The following RFC1 variants were observed in gnomAD, a reference collection of about 807,000 sequenced individuals.
The protein encoded by RFC1 is A1 140 kDa subunit.
A neutral mutation model predicts 137.4 loss-of-function variants in RFC1; 37 were observed. That is an observed-to-expected ratio of 0.27 (90% confidence interval 0.21 to 0.35). RFC1 has a LOEUF of 0.35. Ranked by LOEUF, RFC1 falls within the 10% of genes least tolerant of loss-of-function variation. The pLI, the probability that RFC1 is intolerant of heterozygous loss-of-function variation, is 1.00. For missense variants in RFC1, 1,205 were observed against 1,358.5 expected, an observed-to-expected ratio of 0.89 and a Z score of 1.78; for synonymous variants, 429 against 455.7, an observed-to-expected ratio of 0.94 and a Z score of 0.75.
chr4:39,349,077 T>C (rs1741056271), intron 2 of RFC1, among the ~76,000 whole-genome samples: 1 of 152,190 alleles, frequency 6.6e-6, no homozygotes, highest in Admixed American at 6.5e-5. Flanking sequence ...AAAGAAAATT[T>C]TCCCTCAGGA....
Position 39,320,583 on chromosome 4 carries a change from G to A in RFC1, c.895C>T (p.His299Tyr). The change falls in exon 9 of 25, where the codon CAT (histidine) becomes TAT (tyrosine). Residue 299 changes from histidine (H) to tyrosine (Y), a missense_variant. By Grantham distance (83) the His-to-Tyr change is moderately conservative (BLOSUM62 2). This residue lies in a region of RFC1 where 962 missense variants were observed against 1,035.3 expected (regional missense o/e 0.93). Coordinates refer to ENST00000349703, the MANE Select transcript of RFC1 (RefSeq NM_002913.5). ...ATTTTGTCAGCTGATGACTTGGAAT[G>A]TTGCTGAGATTCTTTTGAACTTTCA... ...KYESSKESQQHSKSSADKIGE... is the reference protein window; with the variant it reads ...KYESSKESQQYSKSSADKIGE... The A allele has an allele frequency of 6.2e-7, 1 of 1,613,662 alleles. No homozygotes were observed. The highest frequency in any genetic ancestry group is 8.5e-7 in the Non-Finnish European group (1 of 1,179,882).
chr4:39,316,561 T>C (rs1452378836), intron 10 of RFC1, among the ~76,000 whole-genome samples: 1 of 152,200 alleles, frequency 6.6e-6, no homozygotes, highest in Non-Finnish European at 1.5e-5. Flanking sequence ...CCTAAGGGCA[T>C]CTTAGATTTT....
At chr4:39,302,687 C>A in intron 17 of RFC1, 50 bp downstream of exon 17, 1 of 1,523,048 alleles carries the variant, frequency 6.6e-7, no homozygotes, top group African/African-American at 1.4e-5. Flanking sequence ...AAAAATTGAC[C>A]CTTAAATAAA....
At chr4:39,342,541 C>T (rs762401131) in intron 3 of RFC1, 74 bp from the exon 4 acceptor site, 25 of 1,438,988 alleles carry the variant, frequency 1.7e-5, no homozygotes, top group South Asian at 3.7e-5. Flanking sequence ...AAAGTAGTCA[C>T]GGTGAACCAA....
intron 22 of RFC1, among the ~76,000 whole-genome samples, chr4:39,294,006 C>G (rs1737838929): frequency 6.6e-6 from 1 of 152,202 alleles, no homozygotes; most frequent in African/African-American, 2.4e-5. Context: ...GACTCTGACA[C>G]TACTGACTCC....
chr4:39,320,588 TGA>T lies in RFC1; in HGVS notation c.888_889del (p.Gln297AlafsTer8). On this transcript the variant is annotated frameshift_variant, in exon 9 of 25. Transcript: ENST00000349703. LOFTEE classifies it high-confidence loss of function. ...GTCAGCTGATGACTTGGAATGTTGCTGAGATTCTTTTGAACTTTCATATTTAC... is the reference window on the plus strand; with the variant it reads ...GTCAGCTGATGACTTGGAATGTTGCTGATTCTTTTGAACTTTCATATTTAC... 6.2e-7 allele frequency: 1 copy of T among 1,613,490 alleles called. No individual in the cohort carries two copies. Among genetic ancestry groups the T allele is most frequent in the Non-Finnish European group, 8.5e-7 (1 of 1,179,830 alleles).
chr4:39,302,180 A>AT, intron 19 of RFC1, 98 bp downstream of exon 19: 1 of 733,942 alleles, frequency 1.4e-6, no homozygotes, highest in Non-Finnish European at 2.4e-6. Context: ...TTCCACAGGC[A>AT]TACCAAGGAA....
At chr4:39,291,022 A>T (rs17335549) in intron 23 of RFC1, among the ~76,000 whole-genome samples, 1 of 152,194 alleles carries the variant, frequency 6.6e-6, no homozygotes, top group South Asian at 2.1e-4. Context: ...TTTACTGATA[A>T]CCATAAAGTC....
chr4:39,335,446 T>G (rs950185002), intron 4 of RFC1, among the ~76,000 whole-genome samples: 4 of 152,326 alleles, frequency 2.6e-5, no homozygotes, highest in Admixed American at 6.5e-5. Flanking sequence ...ATCTCATGAT[T>G]CACTACAAAT....
At chr4:39,344,992 C>G (rs957938398) in intron 3 of RFC1, among the ~76,000 whole-genome samples, 3 of 152,128 alleles carry the variant, frequency 2.0e-5, no homozygotes, top group Non-Finnish European at 4.4e-5. Context: ...AGCTACGTAT[C>G]TCAGAACATA....
At chr4:39,323,158 C>T (rs553455670) in intron 7 of RFC1, 182 bp downstream of exon 7, 13 of 414,358 alleles carry the variant, frequency 3.1e-5, no homozygotes, top group Middle Eastern at 6.4e-4. Flanking sequence ...TGTTTTGATG[C>T]CGTCACCCTT....
intron 2 of RFC1, among the ~76,000 whole-genome samples, chr4:39,350,296 A>T (rs1218365779): frequency 1.3e-5 from 2 of 152,142 alleles, no homozygotes; most frequent in African/African-American, 4.8e-5. Context: ...TAATTCAAGA[A>T]GAGAAGAGAG....
chr4:39,315,987 T>C (rs780028761), intron 10 of RFC1, among the ~76,000 whole-genome samples: 7 of 152,186 alleles, frequency 4.6e-5, no homozygotes, highest in Non-Finnish European at 8.8e-5. Flanking sequence ...TCCCAGCACT[T>C]TGGAAGGCCA....
chr4:39,364,325 G>A (rs978139821), intron 1 of RFC1, among the ~76,000 whole-genome samples: 10 of 151,016 alleles, frequency 6.6e-5, no homozygotes, highest in African/African-American at 2.2e-4. Flanking sequence ...ATAAACATTT[G>A]TTGAATCAAT....
chr4:39,336,850 G>A (rs964916175), intron 4 of RFC1, among the ~76,000 whole-genome samples: 2 of 152,162 alleles, frequency 1.3e-5, no homozygotes, highest in Non-Finnish European at 2.9e-5. Flanking sequence ...GCTATATCCA[G>A]GGTGCTGATG....
intron 1 of RFC1, chr4:39,356,026 A>G (rs546257399): frequency 1.3e-5 from 2 of 148,482 alleles, no homozygotes; most frequent in East Asian, 4.0e-4. Context: ...AAACACTGGT[A>G]TAACCTTTAT....
chr4:39,353,718 TCAAA>T (rs1741327829), intron 1 of RFC1, among the ~76,000 whole-genome samples: 2 of 152,228 alleles, frequency 1.3e-5, no homozygotes, highest in South Asian at 2.1e-4. Flanking sequence ...GATTCTTCAC[TCAAA>T]CAATCATGAC....
intron 1 of RFC1, among the ~76,000 whole-genome samples, chr4:39,360,357 G>T (rs4974938): frequency 0.51 from 77,045 of 151,612 alleles, 19,878 homozygotes; most frequent in Non-Finnish European, 0.54. Flanking sequence ...AAAAAAATTA[G>T]CCAGACGTGG....
At position 39,302,366 on chromosome 4, in the gene RFC1, T is replaced by C. The variant is rs140467780; in HGVS notation, c.2447A>G (p.Asn816Ser). ...ANQDIRQVLH[N>S]LSMWCARSKA... ...ACTTCGTGCACACCACATACTCAGA[T>C]TATGTAAAACCTAAAAGAATCACAA... The change falls in exon 19 of 25, where the codon AAT becomes AGT. Residue 816 changes from asparagine to serine, a missense_variant. Asn to Ser is a conservative substitution (Grantham distance 46). Around this residue, in one of 3 missense-constraint regions of RFC1, gnomAD observed 962 missense variants for 1,035.3 expected, o/e 0.93. Transcript: ENST00000349703. 6.2e-7 allele frequency: 1 copy of C among 1,611,592 alleles called. No homozygotes were observed. Among genetic ancestry groups the C allele is most frequent in the African/African-American group, 1.3e-5 (1 of 74,884 alleles).
Sources: gnomAD v4.1 joint callset for allele counts (sites outside exome capture counted in the v4.1 genomes callset) on GRCh38, gnomAD v4.1.1 for gene constraint, gnomAD v4.1.1 regional missense constraint, MANE v1.5 for transcripts, NCBI Gene and HGNC (gene_info 2026-07-23, HGNC 2026-07-21) for gene names.